The following SELENOF variants were observed in gnomAD, a reference collection of about 807,000 sequenced individuals.
SELENOF encodes 15 kDa selenoprotein.
Under a neutral mutation model 20.5 loss-of-function variants are expected in SELENOF, and 16 were observed. That is an observed-to-expected ratio of 0.78 (90% CI 0.53 to 1.19). The LOEUF is 1.19. Ranked by LOEUF, SELENOF falls within the 50% of genes most tolerant of loss-of-function variation. SELENOF has a pLI of 0.00. For synonymous variants in SELENOF, 78 were observed against 74.5 expected (o/e 1.05, Z -0.24); for missense variants, 215 against 194.2 (o/e 1.11, Z -0.64).
intron 1 of SELENOF, among the ~76,000 whole-genome samples, chr1:86,903,951 T>C (rs2102126945): frequency 6.6e-6 from 1 of 152,366 alleles, no homozygotes; most frequent in East Asian, 1.9e-4. Flanking sequence ...CAAGCTTTTT[T>C]TCTTAAACAT....
In SELENOF at chr1:86,888,168, G is replaced by C. The variant is rs573806167; in HGVS notation, c.253-7443C>G. Among the ~76,000 whole-genome samples the C allele has an allele frequency of 4.0e-5, 6 of 151,630 alleles. No individual in the cohort carries two copies. In the East Asian group the frequency reaches 1.2e-3, roughly 30 times the overall value. On this transcript the variant is annotated intron_variant, in intron 2 of 4. Transcript: ENST00000331835. ...CCAGCTACTGGGCAGGCTGAGGTGG[G>C]AGAATCACTTGGACCTGGGAGGTGG...
intron 1 of SELENOF, among the ~76,000 whole-genome samples, chr1:86,906,248 A>C (rs1233242431): frequency 1.3e-5 from 2 of 152,240 alleles, no homozygotes; most frequent in Non-Finnish European, 2.9e-5. Context: ...CCATACTAGT[A>C]CTTTGGGTAA....
chr1:86,903,520 G>A lies in SELENOF; in HGVS notation c.85-72C>T, dbSNP rs560251628. The A allele has an allele frequency of 3.9e-5, 47 of 1,204,466 alleles. No homozygotes were observed. The South Asian group carries it at 4.1e-4, about 11-fold the overall frequency. 74.6% of individuals were successfully genotyped at this position (1,204,466 alleles called of 1,614,324 possible). The stretch of plus-strand genomic sequence containing the variant: ...ACAAAGCTTTCCAAAAAGAGAACAC[G>A]GGGTTGTCAAAAACTAACACATTGA... On this transcript the variant is annotated intron_variant, in intron 1 of 4. Coordinates refer to ENST00000331835, the MANE Select transcript of SELENOF (RefSeq NM_004261.5).
chr1:86,875,964 A>G (rs554746997), intron 3 of SELENOF, among the ~76,000 whole-genome samples: 1 of 152,224 alleles, frequency 6.6e-6, no homozygotes, highest in Admixed American at 6.5e-5. Context: ...AAACCATGTC[A>G]TGGCGGGTCT....
At chr1:86,864,540 C>T (rs1003850028) in intron 4 of SELENOF, among the ~76,000 whole-genome samples, 12 of 152,078 alleles carry the variant, frequency 7.9e-5, no homozygotes, top group African/African-American at 2.9e-4. Flanking sequence ...ATTATTAACA[C>T]TTGGTATATT....
chr1:86,914,272 T>C, upstream of SELENOF: 1 of 651,374 alleles, frequency 1.5e-6, no homozygotes, highest in Non-Finnish European at 2.7e-6. Context: ...AGTCATCAAA[T>C]ACAATCACTG....
intron 1 of SELENOF, among the ~76,000 whole-genome samples, chr1:86,909,832 C>T (rs918370045): frequency 5.9e-5 from 9 of 152,042 alleles, no homozygotes; most frequent in Non-Finnish European, 1.3e-4. Context: ...GGTGAAACCC[C>T]GTCTCCACTA....
intron 2 of SELENOF, among the ~76,000 whole-genome samples, chr1:86,894,861 A>AACC (rs1457475136): frequency 2.0e-5 from 3 of 152,016 alleles, no homozygotes; most frequent in Non-Finnish European, 2.9e-5. Context: ...CAACAACAAC[A>AACC]ACAAACAAAC....
chr1:86,901,065 G>A (rs1411555307), intron 2 of SELENOF, among the ~76,000 whole-genome samples: 1 of 152,024 alleles, frequency 6.6e-6, no homozygotes, highest in Non-Finnish European at 1.5e-5. Context: ...GCTAATTTTT[G>A]TATTTTTTGT....
intron 3 of SELENOF, among the ~76,000 whole-genome samples, chr1:86,873,805 T>C (rs1275273625): frequency 2.7e-5 from 4 of 150,010 alleles, no homozygotes; most frequent in African/African-American, 4.9e-5. Context: ...TGAGCCAAGA[T>C]TGCGCTGTCG....
At chr1:86,913,369 G>C (rs1660038900) in intron 1 of SELENOF, among the ~76,000 whole-genome samples, 1 of 151,072 alleles carries the variant, frequency 6.6e-6, no homozygotes, top group Non-Finnish European at 1.5e-5. Flanking sequence ...CATCTATTCT[G>C]CCAATAGAGA....
At chr1:86,880,472 T>A (rs1382142452) in intron 3 of SELENOF, among the ~76,000 whole-genome samples, 190 bp downstream of exon 3, 1 of 152,038 alleles carries the variant, frequency 6.6e-6, no homozygotes, top group African/African-American at 2.4e-5. Context: ...GTGTTTTTTT[T>A]AAAGTAACAT....
intron 4 of SELENOF, 90 bp downstream of exon 4, chr1:86,867,962 TG>T (rs1203733122): frequency 1.9e-6 from 1 of 530,974 alleles, no homozygotes; most frequent in Non-Finnish European, 3.2e-6. Flanking sequence ...CACATGTTTA[TG>T]GGGGAAACCA....
chr1:86,867,704 C>T (rs914804487), intron 4 of SELENOF, among the ~76,000 whole-genome samples: 4 of 143,102 alleles, frequency 2.8e-5, no homozygotes, highest in South Asian at 4.4e-4. Context: ...AATGCTAATG[C>T]GAACTATTAA....
At chr1:86,909,176 T>C (rs1289865700) in intron 1 of SELENOF, among the ~76,000 whole-genome samples, 1 of 152,232 alleles carries the variant, frequency 6.6e-6, no homozygotes, top group African/African-American at 2.4e-5. Flanking sequence ...TGCCAACTAC[T>C]TATGCCACCT....
In SELENOF at chr1:86,884,135, C is replaced by T. The variant is rs116617872; in HGVS notation, c.253-3410G>A. Among the ~76,000 whole-genome samples, 718 of 152,014 alleles carry T rather than the reference C, an allele frequency of 4.7e-3. 9 individuals carry two copies. The highest frequency in any genetic ancestry group is 6.2e-3 in the Non-Finnish European group (421 of 67,982). On this transcript the variant is annotated intron_variant, in intron 2 of 4. Transcript: ENST00000331835. ...ACAAAGCTTCTCAATATAGGTGTGC[C>T]GAAGGGAGAGAACTATTCATATAAC...
Position 86,863,264 on chromosome 1 carries a change from G to A in SELENOF, c.*210C>T. On this transcript the variant is annotated 3_prime_UTR_variant, in exon 5 of 5. Coordinates refer to ENST00000331835, the MANE Select transcript of SELENOF (RefSeq NM_004261.5). ...GTTAGTGGTATCAACAAATGCAGGA[G>A]GATGGACATTTATAAAAAATGGGTT... is the stretch of plus-strand genomic sequence containing the variant. 2.4e-6 allele frequency: 1 copy of A among 420,836 alleles called. No homozygotes were observed. The highest frequency in any genetic ancestry group is 5.3e-5 in the South Asian group (1 of 18,900). The allele number at this position is 420,836 out of a possible 1,614,324, so 26.1% of individuals were successfully genotyped here.
chr1:86,882,164 G>A (rs1000321830), intron 2 of SELENOF, among the ~76,000 whole-genome samples: 4 of 150,668 alleles, frequency 2.7e-5, no homozygotes, highest in East Asian at 2.0e-4. Context: ...CCCAGGAGGC[G>A]GAGGTTGCAG....
At chr1:86,912,258 T>G (rs1034998765) in intron 1 of SELENOF, among the ~76,000 whole-genome samples, 1 of 152,158 alleles carries the variant, frequency 6.6e-6, no homozygotes, top group Non-Finnish European at 1.5e-5. Flanking sequence ...TTAAAATCAG[T>G]AAGTTTCAGT....
Sources: gnomAD v4.1 joint callset for allele counts (sites outside exome capture counted in the v4.1 genomes callset) on GRCh38, gnomAD v4.1.1 for gene constraint, MANE v1.5 for transcripts, NCBI Gene and HGNC (gene_info 2026-07-23, HGNC 2026-07-21) for gene names.